Variants in KIAA1217 observed in about 807,000 individuals in gnomAD.
KIAA1217 encodes sickle tail protein homolog.
KIAA1217 carries 88 observed loss-of-function variants against 163.9 expected under a neutral mutation model. The ratio of observed to expected loss-of-function variants is 0.54; its 90% CI spans 0.45 to 0.64. The LOEUF is 0.64. KIAA1217 is among the 30% of genes least tolerant of loss of function. The pLI, the probability that KIAA1217 is intolerant of heterozygous loss-of-function variation, is 0.00. For synonymous variants in KIAA1217, 903 were observed against 923.1 expected (o/e 0.98, Z 0.39); for missense variants, 2,372 against 2,475.0 (o/e 0.96, Z 0.88).
chr10:24,525,091 G>A (rs947821868), intron 13 of KIAA1217, among the ~76,000 whole-genome samples: 10 of 151,952 alleles, frequency 6.6e-5, no homozygotes, highest in African/African-American at 2.4e-4. Context: ...GGGTGGGGGG[G>A]CAGAGTGGGT....
At chr10:24,003,242 A>G (rs567831157) in intron 1 of KIAA1217, among the ~76,000 whole-genome samples, 5 of 152,178 alleles carry the variant, frequency 3.3e-5, no homozygotes, top group African/African-American at 7.2e-5. Context: ...ACCGTTTTCC[A>G]TAGTAGTTGT....
chr10:24,030,230 G>A (rs1848135875), intron 2 of KIAA1217, among the ~76,000 whole-genome samples: 1 of 152,048 alleles, frequency 6.6e-6, no homozygotes, highest in Non-Finnish European at 1.5e-5. Flanking sequence ...CATTGATATA[G>A]TTTCGCTCTG....
intron 13 of KIAA1217, among the ~76,000 whole-genome samples, chr10:24,525,151 G>A (rs779451114): frequency 5.3e-5 from 8 of 152,138 alleles, no homozygotes; most frequent in Admixed American, 1.3e-4. Flanking sequence ...TGTAAATATC[G>A]CAACCATGGC....
At chr10:23,801,984 A>C (rs1326094149) in intron 1 of KIAA1217, among the ~76,000 whole-genome samples, 1 of 152,222 alleles carries the variant, frequency 6.6e-6, no homozygotes, top group Non-Finnish European at 1.5e-5. Context: ...TCCTTCTTCT[A>C]AATAGATCAA....
rs551634178 is a variant in KIAA1217, at chr10:24,531,872, G to T, written c.3125G>T (p.Gly1042Val). The change falls in exon 15 of 21, where the codon GGA becomes GTA. Residue 1042 changes from glycine to valine, a missense_variant. Around this residue, in one of 3 missense-constraint regions of KIAA1217, gnomAD observed 1,431 missense variants for 1,470.3 expected, o/e 0.97. Transcript: ENST00000376454. ...NSEQDLEKLG[G>V]KSPPPPPPPP... Reference sequence around the variant, plus strand: ...GAACAGGACTTGGAAAAGCTGGGGGGAAAGTCGCCCCCTCCTCCTCCGCCA... The same window carrying T: ...GAACAGGACTTGGAAAAGCTGGGGGTAAAGTCGCCCCCTCCTCCTCCGCCA... 8.7e-6 allele frequency: 14 copies of T among 1,607,494 alleles called. No homozygotes were observed. The East Asian group carries it at 2.7e-4, about 31-fold the overall frequency.
Position 24,547,251 on chromosome 10 carries a change from A to C in KIAA1217, c.*927A>C, listed in dbSNP as rs2075758302. 1 of 152,592 alleles carries C rather than the reference A, an allele frequency of 6.6e-6. No individual in the cohort carries two copies. Among genetic ancestry groups the C allele is most frequent in the African/African-American group, 2.4e-5 (1 of 41,440 alleles). 9.5% of individuals were successfully genotyped at this position (152,592 alleles called of 1,614,324 possible). A position where few individuals can be genotyped will look rare whatever the true frequency, so the allele number is the denominator to read the frequency against. ...TATAAATATACATAGACATAAAAATACTGTATGTGACAGCACATAGAGTAG... is the reference window on the plus strand; with the variant it reads ...TATAAATATACATAGACATAAAAATCCTGTATGTGACAGCACATAGAGTAG... On this transcript the variant is annotated 3_prime_UTR_variant, in exon 21 of 21. Transcript: ENST00000376454.
chr10:24,349,688 C>T (rs751009259), intron 2 of KIAA1217, among the ~76,000 whole-genome samples: 5 of 152,108 alleles, frequency 3.3e-5, no homozygotes, highest in Admixed American at 6.5e-5. Context: ...TGCCAAGAAC[C>T]GAAAGCCATT....
chr10:24,323,833 T>TGTGTGTG (rs2044500123), intron 2 of KIAA1217, among the ~76,000 whole-genome samples: 5 of 128,030 alleles, frequency 3.9e-5, no homozygotes, highest in African/African-American at 1.7e-4. Flanking sequence ...GTGTGTGTGT[T>TGTGTGTG]TGACTAACTT....
chr10:23,976,837 T>A (rs983256195), intron 1 of KIAA1217, among the ~76,000 whole-genome samples: 11 of 152,160 alleles, frequency 7.2e-5, no homozygotes, highest in Non-Finnish European at 1.5e-5. Flanking sequence ...AAGGGAAAAT[T>A]CTTGATGCTT....
chr10:24,131,597 T>C (rs181045288), intron 2 of KIAA1217, among the ~76,000 whole-genome samples: 1 of 152,322 alleles, frequency 6.6e-6, no homozygotes, highest in Non-Finnish European at 1.5e-5. Flanking sequence ...TGTACATCTT[T>C]ATATCCCATA....
intron 1 of KIAA1217, among the ~76,000 whole-genome samples, chr10:23,894,769 C>A (rs2131224777): frequency 6.6e-6 from 1 of 150,530 alleles, no homozygotes; most frequent in South Asian, 2.1e-4. Context: ...ACCAAAACAG[C>A]ATGGTACTGG....
chr10:24,034,835 T>C (rs1016049384), intron 2 of KIAA1217, among the ~76,000 whole-genome samples: 2 of 152,206 alleles, frequency 1.3e-5, no homozygotes, highest in Admixed American at 6.5e-5. Context: ...TCCCATCTGC[T>C]CTTCAACACA....
At chr10:23,752,742 G>T (rs1311499232) in intron 1 of KIAA1217, among the ~76,000 whole-genome samples, 1 of 152,134 alleles carries the variant, frequency 6.6e-6, no homozygotes, top group Non-Finnish European at 1.5e-5. Context: ...ATAAAGGAAT[G>T]ATATTTTTAT....
At chr10:24,266,574 C>T (rs965923974) in intron 2 of KIAA1217, among the ~76,000 whole-genome samples, 11 of 152,102 alleles carry the variant, frequency 7.2e-5, no homozygotes, top group Admixed American at 2.6e-4. Context: ...GAATGTAAAA[C>T]GCACCAATCA....
At chr10:23,852,783 A>T (rs1839421077) in intron 1 of KIAA1217, among the ~76,000 whole-genome samples, 2 of 152,256 alleles carry the variant, frequency 1.3e-5, no homozygotes, top group East Asian at 3.9e-4. Flanking sequence ...AGCAATTGTG[A>T]ATGGGAGTTC....
chr10:24,370,761 G>T (rs1292216962), intron 2 of KIAA1217, among the ~76,000 whole-genome samples: 2 of 152,028 alleles, frequency 1.3e-5, no homozygotes, highest in Admixed American at 6.6e-5. Context: ...TTTCATGTTG[G>T]TTTTTTGTAG....
chr10:24,216,929 G>A (rs1315690020), intron 1 of KIAA1217, among the ~76,000 whole-genome samples: 1 of 149,364 alleles, frequency 6.7e-6, no homozygotes, highest in Non-Finnish European at 1.5e-5. Context: ...CTAGTCAGGA[G>A]GCTGAGGCAA....
intron 1 of KIAA1217, among the ~76,000 whole-genome samples, chr10:23,734,533 C>T (rs909761299): frequency 6.6e-6 from 1 of 152,092 alleles, no homozygotes; most frequent in African/African-American, 2.4e-5. Flanking sequence ...AGGTGATCCA[C>T]CTGCCTTGGC....
intron 2 of KIAA1217, among the ~76,000 whole-genome samples, chr10:24,120,913 T>C (rs572181695): frequency 2.0e-5 from 3 of 152,218 alleles, no homozygotes; most frequent in African/African-American, 2.4e-5. Context: ...CTAGCAAGTA[T>C]TGACTGACAT....
Sources: gnomAD v4.1 joint callset for allele counts (sites outside exome capture counted in the v4.1 genomes callset) on GRCh38, gnomAD v4.1.1 for gene constraint, gnomAD v4.1.1 regional missense constraint, MANE v1.5 for transcripts, NCBI Gene and HGNC (gene_info 2026-07-23, HGNC 2026-07-21) for gene names.